Variants in ATP13A5 observed in about 807,000 individuals in gnomAD.
ATP13A5 encodes probable cation-transporting ATPase 13A5.
Under a neutral mutation model 150.2 loss-of-function variants are expected in ATP13A5, and 149 were observed. The ratio of observed to expected loss-of-function variants is 0.99; its 90% confidence interval spans 0.87 to 1.14. The LOEUF (loss-of-function observed/expected upper bound fraction) is 1.14, where lower values mean the gene tolerates loss of function less well. Among genes scored for constraint, ATP13A5 ranks in the 50% most tolerant of loss-of-function variants. The pLI, the probability that ATP13A5 is intolerant of heterozygous loss-of-function variation, is 0.00. For synonymous variants in ATP13A5, 497 were observed against 522.2 expected (o/e 0.95, Z 0.66); for missense variants, 1,383 against 1,449.3 (o/e 0.95, Z 0.74).
At chr3:193,291,034 A>G (rs1717930024) in intron 25 of ATP13A5, among the ~76,000 whole-genome samples, 2 of 152,248 alleles carry the variant, frequency 1.3e-5, no homozygotes, top group South Asian at 4.1e-4. Flanking sequence ...ATGAGTGTAC[A>G]GGTAGAGTAG....
intron 13 of ATP13A5, 68 bp from the exon 14 acceptor site, chr3:193,325,082 C>T (rs1308329134): frequency 2.7e-6 from 4 of 1,501,646 alleles, no homozygotes; most frequent in African/African-American, 1.4e-5. Flanking sequence ...TTAAATCTTA[C>T]TAAAGTGGAG....
At chr3:193,304,973 C>G (rs1268940809) in intron 23 of ATP13A5, among the ~76,000 whole-genome samples, 3 of 151,798 alleles carry the variant, frequency 2.0e-5, no homozygotes, top group Admixed American at 6.6e-5. Context: ...TGAGAACTCC[C>G]TCACTATCAT....
chr3:193,328,486 C>T (rs114029745), intron 12 of ATP13A5, among the ~76,000 whole-genome samples: 2 of 152,142 alleles, frequency 1.3e-5, no homozygotes, highest in Non-Finnish European at 2.9e-5. Context: ...GATATGTTTT[C>T]CTGATGATGT....
At chr3:193,292,802 G>T (rs1718022129) in intron 25 of ATP13A5, among the ~76,000 whole-genome samples, 1 of 152,074 alleles carries the variant, frequency 6.6e-6, no homozygotes, top group African/African-American at 2.4e-5. Context: ...AGTTTTGGGG[G>T]TGGGTTGTTA....
At chr3:193,336,401 C>T (rs544477744) in intron 9 of ATP13A5, among the ~76,000 whole-genome samples, 11 of 152,230 alleles carry the variant, frequency 7.2e-5, no homozygotes, top group East Asian at 3.9e-4. Flanking sequence ...CCCCACCTCA[C>T]GACAGGCCCC....
intron 5 of ATP13A5, among the ~76,000 whole-genome samples, chr3:193,360,998 T>C (rs1712986950): frequency 6.6e-6 from 1 of 152,148 alleles, no homozygotes; most frequent in Non-Finnish European, 1.5e-5. Flanking sequence ...TTAAATTTGA[T>C]TATGTACAAT....
intron 1 of ATP13A5, among the ~76,000 whole-genome samples, chr3:193,373,069 A>G (rs7621397): frequency 0.96 from 146,716 of 152,260 alleles, 70,726 homozygotes; most frequent in African/African-American, 0.99. Context: ...ATTGGAGGAC[A>G]ACCTTGTGTA....
chr3:193,287,993 G>A (rs773606793), intron 26 of ATP13A5, among the ~76,000 whole-genome samples: 1 of 152,162 alleles, frequency 6.6e-6, no homozygotes, highest in African/African-American at 2.4e-5. Flanking sequence ...GGTGGAGGAT[G>A]TAACTGTAGA....
Position 193,275,127 on chromosome 3 carries a change from C to A in ATP13A5, c.3572G>T (p.Gly1191Val). The change falls in exon 30 of 30, where the codon GGC (glycine) becomes GTC (valine). Residue 1191 changes from glycine (G) to valine (V), a missense_variant. Coordinates refer to ENST00000342358, the MANE Select transcript of ATP13A5 (RefSeq NM_198505.4). ...DGKNGFYING[G>V]YESHEQIPKR... The stretch of plus-strand genomic sequence containing the variant: ...TGGAATCTGTTCATGGCTTTCATAG[C>A]CTCCGTTGATGTAGAATCCATTTTT... The A allele has an allele frequency of 6.2e-7, 1 of 1,614,186 alleles. No individual in the cohort carries two copies. The highest frequency in any genetic ancestry group is 8.5e-7 in the Non-Finnish European group (1 of 1,180,030).
intron 18 of ATP13A5, 142 bp from the exon 19 acceptor site, chr3:193,314,335 T>A: frequency 1.2e-6 from 1 of 861,488 alleles, no homozygotes; most frequent in Non-Finnish European, 1.8e-6. Flanking sequence ...CTCTCTGCTG[T>A]AGACTGCCCC....
intron 11 of ATP13A5, among the ~76,000 whole-genome samples, chr3:193,331,543 C>T (rs541060719): frequency 1.3e-5 from 2 of 152,328 alleles, no homozygotes; most frequent in Admixed American, 6.5e-5. Context: ...AGCCTACAAA[C>T]TCCTTGGGTG....
Position 193,280,801 on chromosome 3 carries a change from C to A in ATP13A5, c.3227-1347G>T, listed in dbSNP as rs188154637. ...ATTGCCATGATACAAATGATTCTGACAATCCTATAAAGTTATAAATAAGTG... is the reference window on the plus strand; with the variant it reads ...ATTGCCATGATACAAATGATTCTGAAAATCCTATAAAGTTATAAATAAGTG... On this transcript the variant is annotated intron_variant, in intron 27 of 29. Coordinates refer to ENST00000342358, the MANE Select transcript of ATP13A5 (RefSeq NM_198505.4). Among the ~76,000 whole-genome samples, 214 of 152,254 alleles carry A rather than the reference C, an allele frequency of 1.4e-3. 4 individuals carry two copies. The South Asian group carries it at 0.02, about 14-fold the overall frequency.
intron 20 of ATP13A5, 26 bp downstream of exon 20, chr3:193,311,790 A>G: frequency 6.2e-7 from 1 of 1,612,690 alleles, no homozygotes; most frequent in Non-Finnish European, 8.5e-7. Flanking sequence ...GGAGCAAAAC[A>G]AAACACTTCT....
chr3:193,279,529 A>G (rs1398951631), intron 27 of ATP13A5, 75 bp from the exon 28 acceptor site: 6 of 1,191,506 alleles, frequency 5.0e-6, no homozygotes, highest in East Asian at 4.7e-5. Flanking sequence ...TGCAGAATCA[A>G]TTATCTCTGT....
intron 26 of ATP13A5, 58 bp downstream of exon 26, chr3:193,289,827 T>C: frequency 6.8e-7 from 1 of 1,480,910 alleles, no homozygotes; most frequent in Non-Finnish European, 9.0e-7. Context: ...AGTTATGCAA[T>C]GTCATTGGAT....
At chr3:193,368,722 C>T (rs1172854534) in intron 1 of ATP13A5, among the ~76,000 whole-genome samples, 2 of 152,094 alleles carry the variant, frequency 1.3e-5, no homozygotes, top group African/African-American at 4.8e-5. Context: ...AAACGAATAG[C>T]ACTGGAAAAT....
At chr3:193,364,516 A>T (rs116489641) in intron 1 of ATP13A5, among the ~76,000 whole-genome samples, 463 of 152,278 alleles carry the variant, frequency 3.0e-3, no homozygotes, top group Non-Finnish European at 4.8e-3. Context: ...GAGTATGGAA[A>T]GGGCAGATTT....
chr3:193,310,558 T>A (rs1319907882), intron 21 of ATP13A5, 80 bp downstream of exon 21: 1 of 1,162,282 alleles, frequency 8.6e-7, no homozygotes, highest in Non-Finnish European at 1.2e-6. Context: ...ATAATAGCCA[T>A]TCTGACTCAC....
intron 26 of ATP13A5, among the ~76,000 whole-genome samples, chr3:193,287,984 G>A (rs779395989): frequency 6.6e-6 from 1 of 152,122 alleles, no homozygotes; most frequent in African/African-American, 2.4e-5. Context: ...CAAGACTTAG[G>A]TGGAGGATGT....
Sources: gnomAD v4.1 joint callset for allele counts (sites outside exome capture counted in the v4.1 genomes callset) on GRCh38, gnomAD v4.1.1 for gene constraint, MANE v1.5 for transcripts, NCBI Gene and HGNC (gene_info 2026-07-23, HGNC 2026-07-21) for gene names.